The following KCNIP4 variants were observed in gnomAD, a reference collection of about 807,000 sequenced individuals.
KCNIP4 encodes the protein potassium voltage-gated channel interacting protein 4.
KCNIP4 carries 12 observed loss-of-function variants against 34.0 expected under a neutral mutation model. The observed-to-expected ratio is 0.35, with a 90% CI of 0.23 to 0.57. The LOEUF is 0.57. KCNIP4 is among the 20% of genes least tolerant of loss of function. The pLI, the probability that KCNIP4 is intolerant of heterozygous loss-of-function variation, is 0.83. For synonymous variants in KCNIP4, 124 were observed against 102.2 expected (o/e 1.21, Z -1.29); for missense variants, 238 against 311.7 (o/e 0.76, Z 1.78).
chr4:21,017,021 T>C (rs1739604398), intron 1 of KCNIP4, among the ~76,000 whole-genome samples: 1 of 152,136 alleles, frequency 6.6e-6, no homozygotes, highest in South Asian at 2.1e-4. Flanking sequence ...TATGAACTCA[T>C]AGAAGGGTTA....
intron 1 of KCNIP4, among the ~76,000 whole-genome samples, chr4:20,911,365 A>T (rs1334589133): frequency 6.6e-6 from 1 of 152,164 alleles, no homozygotes; most frequent in Non-Finnish European, 1.5e-5. Context: ...ATGGTTCATT[A>T]TTTAAGAACC....
intron 1 of KCNIP4, among the ~76,000 whole-genome samples, chr4:21,059,472 G>A (rs996242502): frequency 1.3e-5 from 2 of 152,080 alleles, no homozygotes; most frequent in African/African-American, 4.8e-5. Flanking sequence ...GGCCAAGGAT[G>A]GACGGAGAAA....
chr4:21,805,879 T>G (rs1397934786), intron 1 of KCNIP4, among the ~76,000 whole-genome samples: 3 of 152,202 alleles, frequency 2.0e-5, no homozygotes, highest in Non-Finnish European at 4.4e-5. Flanking sequence ...GATACAGGTG[T>G]GGCACATATT....
At chr4:21,390,428 G>T (rs1722461897) in intron 1 of KCNIP4, among the ~76,000 whole-genome samples, 1 of 152,012 alleles carries the variant, frequency 6.6e-6, no homozygotes, top group South Asian at 2.1e-4. Context: ...GGGTTTTTAT[G>T]GTTTTAAGTC....
At chr4:21,201,056 C>A (rs181449710) in intron 1 of KCNIP4, among the ~76,000 whole-genome samples, 19 of 152,050 alleles carry the variant, frequency 1.2e-4, no homozygotes, top group Non-Finnish European at 2.5e-4. Context: ...CTATTTTATT[C>A]AAAAAAATGG....
intron 3 of KCNIP4, among the ~76,000 whole-genome samples, chr4:20,843,165 C>T (rs1719953075): frequency 6.6e-6 from 1 of 152,106 alleles, no homozygotes; most frequent in South Asian, 2.1e-4. Flanking sequence ...GCCTAGGCTT[C>T]CCAAAGTGCT....
intron 1 of KCNIP4, among the ~76,000 whole-genome samples, chr4:21,462,512 G>C (rs1227118589): frequency 6.6e-6 from 1 of 151,918 alleles, no homozygotes; most frequent in African/African-American, 2.4e-5. Context: ...ACAACACACG[G>C]GAATTCAAGA....
At chr4:20,883,726 A>T (rs1186015595) in intron 1 of KCNIP4, among the ~76,000 whole-genome samples, 1 of 152,196 alleles carries the variant, frequency 6.6e-6, no homozygotes, top group Non-Finnish European at 1.5e-5. Context: ...TTATAAAAAA[A>T]TTCCTGACCA....
At chr4:20,884,706 CTTT>C (rs975286527) in intron 1 of KCNIP4, among the ~76,000 whole-genome samples, 2 of 125,702 alleles carry the variant, frequency 1.6e-5, no homozygotes, top group African/African-American at 5.9e-5. Flanking sequence ...CCAGTGCAGC[CTTT>C]TTTTTTTTTT....
Position 20,882,699 on chromosome 4 carries a change from G to A in KCNIP4, c.72C>T (p.Tyr24=), listed in dbSNP as rs567241006. The change falls in exon 2 of 9, where the codon TAC becomes TAT. Residue 24 remains tyrosine (Y), a synonymous_variant. Transcript: ENST00000382152. ...TGCTGCGCTTGGTGCTGTTCTGAGCGTACAGGAAACCTAGAAGATACAGGA... is the reference window on the plus strand; with the variant it reads ...TGCTGCGCTTGGTGCTGTTCTGAGCATACAGGAAACCTAGAAGATACAGGA... The part of the protein sequence containing the change: ...EEASSTGGFL[Y]AQNSTKRSIK... 145 of 1,613,052 alleles carry A rather than the reference G, an allele frequency of 9.0e-5. No individual in the cohort carries two copies. The highest frequency in any genetic ancestry group is 8.7e-4 in the East Asian group (39 of 44,806).
At chr4:21,665,504 A>G (rs572435325) in intron 1 of KCNIP4, among the ~76,000 whole-genome samples, 2 of 106,272 alleles carry the variant, frequency 1.9e-5, no homozygotes, top group South Asian at 6.2e-4. Flanking sequence ...CTTTTCTATC[A>G]CAGGGCACCC....
At chr4:21,418,558 A>G (rs1045586914) in intron 1 of KCNIP4, among the ~76,000 whole-genome samples, 1 of 152,198 alleles carries the variant, frequency 6.6e-6, no homozygotes, top group Non-Finnish European at 1.5e-5. Context: ...GAGATTATAT[A>G]GGGTGCTTTT....
intron 1 of KCNIP4, among the ~76,000 whole-genome samples, chr4:21,154,114 G>A (rs776653829): frequency 6.6e-6 from 1 of 152,036 alleles, no homozygotes; most frequent in Non-Finnish European, 1.5e-5. Flanking sequence ...CAATCAAGTT[G>A]TTTGCCCTTA....
At chr4:21,584,511 G>A (rs1299666010) in intron 1 of KCNIP4, among the ~76,000 whole-genome samples, 16 of 152,016 alleles carry the variant, frequency 1.1e-4, no homozygotes, top group Admixed American at 9.2e-4. Context: ...ATAATTAAGT[G>A]AAAATTTAGA....
chr4:20,872,524 A>G (rs989620601), intron 2 of KCNIP4, among the ~76,000 whole-genome samples: 7 of 152,152 alleles, frequency 4.6e-5, no homozygotes, highest in African/African-American at 1.7e-4. Context: ...TAGAAAATTG[A>G]GGCTCTTTGA....
At chr4:21,169,341 G>A (rs920968302) in intron 1 of KCNIP4, among the ~76,000 whole-genome samples, 2 of 151,608 alleles carry the variant, frequency 1.3e-5, no homozygotes, top group Non-Finnish European at 2.9e-5. Flanking sequence ...GTGCTGAGAC[G>A]GGGCCCTTCT....
chr4:21,857,445 C>A (rs1724827690), intron 1 of KCNIP4, among the ~76,000 whole-genome samples: 2 of 152,020 alleles, frequency 1.3e-5, no homozygotes, highest in Non-Finnish European at 2.9e-5. Context: ...CTCCTCTCTG[C>A]TGAGAGCTGA....
chr4:21,741,221 G>C lies in KCNIP4; in HGVS notation c.61+207350C>G, dbSNP rs144662906. On this transcript the variant is annotated intron_variant, in intron 1 of 8. Coordinates refer to ENST00000382152, the MANE Select transcript of KCNIP4 (RefSeq NM_025221.6). ...TTTTCATTTACTGGGAAAAGAGCTAGGGCAAGTAGGCCTCCAGCCATGGCA... is the reference window on the plus strand; with the variant it reads ...TTTTCATTTACTGGGAAAAGAGCTACGGCAAGTAGGCCTCCAGCCATGGCA... Among the ~76,000 whole-genome samples, 1,330 of 152,238 alleles carry C rather than the reference G, an allele frequency of 8.7e-3. 19 individuals are homozygous for C. Among genetic ancestry groups the C allele is most frequent in the South Asian group, 0.039 (188 of 4,828 alleles).
chr4:21,131,334 G>C (rs1751052447), intron 1 of KCNIP4, among the ~76,000 whole-genome samples: 1 of 152,136 alleles, frequency 6.6e-6, no homozygotes, highest in Non-Finnish European at 1.5e-5. Context: ...TTTACATATA[G>C]AACTAAAACC....
Sources: allele counts gnomAD v4.1 joint callset (sites outside exome capture counted in the v4.1 genomes callset), GRCh38; gene constraint gnomAD v4.1.1; transcripts MANE v1.5; gene names NCBI Gene and HGNC (gene_info 2026-07-23, HGNC 2026-07-21).